MAP2K3: variants seen among roughly 807,000 people sequenced by gnomAD.
MAP2K3 encodes the protein dual specificity mitogen-activated protein kinase kinase 3.
Under a neutral mutation model 46.4 loss-of-function variants are expected in MAP2K3, and 30 were observed. The ratio of observed to expected loss-of-function variants is 0.65; its 90% CI spans 0.48 to 0.88. MAP2K3 has a LOEUF of 0.88. MAP2K3 is among the 40% of genes least tolerant of loss of function. The pLI is 0.00. For synonymous variants in MAP2K3, 189 were observed against 176.3 expected (o/e 1.07, Z -0.57); for missense variants, 380 against 464.5 (o/e 0.82, Z 1.67).
intron 5 of MAP2K3, 88 bp downstream of exon 5, chr17:21,301,081 C>T (rs1049820326): frequency 2.5e-6 from 4 of 1,601,594 alleles, no homozygotes; most frequent in Non-Finnish European, 2.6e-6. Flanking sequence ...CTCCAGTACG[C>T]CAGGTGCTGG....
Position 21,304,571 on chromosome 17 carries a change from C to T in MAP2K3, c.696+18C>T, listed in dbSNP as rs1234349663. 1.2e-6 allele frequency: 2 copies of T among 1,614,186 alleles called. No homozygotes were observed. The highest frequency in any genetic ancestry group is 1.7e-6 in the Non-Finnish European group (2 of 1,179,968). ...ACATGGCCGTGAGTGGTCCCCAAGC[C>T]CCCCAGGCTCAGGAGAGGATGGGGC... On this transcript the variant is annotated intron_variant, in intron 8 of 11. Transcript: ENST00000342679.
At chr17:21,291,457 C>CACT in intron 1 of MAP2K3, 1 of 437,678 alleles carries the variant, frequency 2.3e-6, no homozygotes, top group Non-Finnish European at 4.5e-6. Flanking sequence ...ACTGGCCTGT[C>CACT]GACAGTGCAG....
At chr17:21,294,343 T>A (rs72840071) in intron 1 of MAP2K3, among the ~76,000 whole-genome samples, 1 of 152,308 alleles carries the variant, frequency 6.6e-6, no homozygotes, top group Admixed American at 6.5e-5. Flanking sequence ...TTACTTCTGT[T>A]GTCAGAAACC....
chr17:21,294,391 C>T (rs1454580331), intron 1 of MAP2K3, among the ~76,000 whole-genome samples: 1 of 152,312 alleles, frequency 6.6e-6, no homozygotes. Context: ...GTGGGGCTGA[C>T]TTTATGAGTG....
chr17:21,312,771 CG>C (rs1457923641), intron 10 of MAP2K3, among the ~76,000 whole-genome samples: 2 of 151,990 alleles, frequency 1.3e-5, no homozygotes, highest in African/African-American at 4.8e-5. Flanking sequence ...GAAAATTAGC[CG>C]GGCGTGGTGG....
chr17:21,300,572 G>C lies in MAP2K3; in HGVS notation c.193G>C (p.Val65Leu). The stretch of plus-strand genomic sequence containing the variant: ...CTTTGAGGTGGAGGCTGATGACTTG[G>C]TGACCATCTCAGAACTGGGCCGTGG... ...RNFEVEADDL[V>L]TISELGRGAY... The change falls in exon 4 of 12, where the codon GTG becomes CTG. Residue 65 changes from valine (V) to leucine (L), a missense_variant. Physicochemically the swap from Val to Leu is conservative, Grantham distance 32 (BLOSUM62 1). Coordinates refer to ENST00000342679, the MANE Select transcript of MAP2K3 (RefSeq NM_145109.3). 1 of 1,612,692 alleles carries C rather than the reference G, an allele frequency of 6.2e-7. No homozygotes were observed. Among genetic ancestry groups the C allele is most frequent in the Non-Finnish European group, 8.5e-7 (1 of 1,179,438 alleles).
At chr17:21,298,284 AG>A (rs1976376611) in intron 1 of MAP2K3, 128 bp from the exon 2 acceptor site, 2 of 1,347,232 alleles carry the variant, frequency 1.5e-6, no homozygotes, top group Non-Finnish European at 2.1e-6. Flanking sequence ...GCTTGGAGAG[AG>A]GGGGCTCCCG....
chr17:21,284,886 T>G lies in MAP2K3; in HGVS notation c.-35T>G. On this transcript the variant is annotated 5_prime_UTR_variant, in exon 1 of 12. Coordinates refer to ENST00000342679, the MANE Select transcript of MAP2K3 (RefSeq NM_145109.3). ...CCGGTGGAGCCCGCAGTCCTCTAGA[T>G]TAGTCTCCACCGCCGTCCAGGACCC... is the stretch of plus-strand genomic sequence containing the variant. 6.2e-7 allele frequency: 1 copy of G among 1,610,128 alleles called. No homozygotes were observed. Among genetic ancestry groups the G allele is most frequent in the South Asian group, 1.1e-5 (1 of 90,618 alleles).
intron 3 of MAP2K3, 124 bp downstream of exon 3, chr17:21,299,050 A>AG: frequency 6.9e-7 from 1 of 1,440,270 alleles, no homozygotes; most frequent in Non-Finnish European, 9.7e-7. Context: ...GCTCTGGAGA[A>AG]GAGCCTCGTC....
At chr17:21,296,198 C>G in intron 1 of MAP2K3, 1 of 1,288,986 alleles carries the variant, frequency 7.8e-7, no homozygotes, top group South Asian at 1.2e-5. Context: ...TCCTGCAGCA[C>G]TGTGCGGGGC....
chr17:21,294,691 T>G (rs1020990600), intron 1 of MAP2K3, among the ~76,000 whole-genome samples: 2 of 152,304 alleles, frequency 1.3e-5, no homozygotes, highest in Middle Eastern at 3.2e-3. Context: ...ACTGAGAGGG[T>G]GGACAGGGGT....
chr17:21,286,409 A>T (rs1975724476), intron 1 of MAP2K3, among the ~76,000 whole-genome samples: 1 of 152,198 alleles, frequency 6.6e-6, no homozygotes, highest in South Asian at 2.1e-4. Flanking sequence ...TGGGGAGGGC[A>T]TGGGCTCTTC....
chr17:21,309,970 GTCTC>G (rs1215629966), intron 9 of MAP2K3, among the ~76,000 whole-genome samples: 4 of 150,612 alleles, frequency 2.7e-5, no homozygotes, highest in Middle Eastern at 3.5e-3. Context: ...GTTCATATTT[GTCTC>G]TCTCTCTCTG....
intron 1 of MAP2K3, among the ~76,000 whole-genome samples, chr17:21,295,127 C>G (rs1013151507): frequency 1.3e-5 from 2 of 152,312 alleles, no homozygotes; most frequent in Non-Finnish European, 2.9e-5. Context: ...GCATTTCAGG[C>G]AGAGGGAAGG....
intron 1 of MAP2K3, among the ~76,000 whole-genome samples, chr17:21,294,258 A>G (rs1976113751): frequency 6.6e-6 from 1 of 151,020 alleles, no homozygotes; most frequent in Non-Finnish European, 1.5e-5. Flanking sequence ...TGGCAGGCCC[A>G]GAACTTCTGC....
At position 21,313,030 on chromosome 17, in the gene MAP2K3, C is replaced by T. The variant is rs1192992952; in HGVS notation, c.915-462C>T. Among the ~76,000 whole-genome samples the T allele has an allele frequency of 5.9e-5, 9 of 152,206 alleles. No individual in the cohort carries two copies. The East Asian group carries it at 1.4e-3, about 23-fold the overall frequency. On this transcript the variant is annotated intron_variant, in intron 10 of 11. Coordinates refer to ENST00000342679, the MANE Select transcript of MAP2K3 (RefSeq NM_145109.3). ...TGGGTAAGGAAGAAGCGGCCGGGTG[C>T]GGTGGCTCACACCCATGGTCCCCGC...
intron 1 of MAP2K3, among the ~76,000 whole-genome samples, chr17:21,285,766 G>T (rs912502006): frequency 1.3e-5 from 2 of 152,204 alleles, no homozygotes; most frequent in Non-Finnish European, 2.9e-5. Flanking sequence ...CCAGCCGCCA[G>T]GCCAGGGTGC....
chr17:21,295,814 C>T (rs2144523104), intron 1 of MAP2K3: 1 of 1,289,534 alleles, frequency 7.8e-7, no homozygotes, highest in East Asian at 5.5e-5. Flanking sequence ...CATGATACAA[C>T]ATTCCCAAAT....
intron 1 of MAP2K3, chr17:21,295,498 C>T (rs1327521848): frequency 4.4e-6 from 4 of 902,522 alleles, no homozygotes; most frequent in Non-Finnish European, 5.3e-6. Context: ...GCCACAACGG[C>T]TGCACCTGGG....
Sources: allele counts gnomAD v4.1 joint callset (sites outside exome capture counted in the v4.1 genomes callset), GRCh38; gene constraint gnomAD v4.1.1; transcripts MANE v1.5; gene names NCBI Gene and HGNC (gene_info 2026-07-23, HGNC 2026-07-21).